Variants in NAV3 observed in about 807,000 individuals in gnomAD.
NAV3 encodes the protein neuron navigator 3.
NAV3 carries 87 observed loss-of-function variants against 244.7 expected under a neutral mutation model. The ratio of observed to expected loss-of-function variants is 0.36; its 90% CI spans 0.30 to 0.42. The LOEUF is 0.42. Among genes scored for constraint, NAV3 ranks in the 20% least tolerant of loss-of-function variants. The probability of loss-of-function intolerance (pLI) is 1.00; values close to 1 mark genes in which losing one functional copy is unlikely to be tolerated. For missense variants in NAV3, 2,663 were observed against 2,893.3 expected (o/e 0.92, Z 1.83); for synonymous variants, 1,126 against 1,042.2 (o/e 1.08, Z -1.55).
chr12:77,634,807 A>C (rs925333985), intron 2 of NAV3, among the ~76,000 whole-genome samples: 1 of 152,186 alleles, frequency 6.6e-6, no homozygotes, highest in Non-Finnish European at 1.5e-5. Flanking sequence ...TGATAAATTT[A>C]ATAAGATGAA....
At chr12:78,185,509 G>T in intron 30 of NAV3, 92 bp from the exon 31 acceptor site, 2 of 1,082,298 alleles carry the variant, frequency 1.8e-6, no homozygotes, top group South Asian at 2.8e-5. Context: ...CCCATTGAAA[G>T]ATATAAAACT....
intron 9 of NAV3, among the ~76,000 whole-genome samples, chr12:78,026,780 G>A (rs576925479): frequency 6.6e-6 from 1 of 152,094 alleles, no homozygotes; most frequent in African/African-American, 2.4e-5. Context: ...TGGATGGTTA[G>A]TATATAGATA....
chr12:77,631,609 T>C (rs925915461), intron 2 of NAV3, among the ~76,000 whole-genome samples: 2 of 152,162 alleles, frequency 1.3e-5, no homozygotes, highest in Admixed American at 1.3e-4. Flanking sequence ...AAGCTGAGAC[T>C]GAAAACACCA....
chr12:78,031,025 T>G (rs1878889316), intron 9 of NAV3, among the ~76,000 whole-genome samples: 1 of 152,208 alleles, frequency 6.6e-6, no homozygotes, highest in Non-Finnish European at 1.5e-5. Flanking sequence ...TGCTCATGGT[T>G]GCTGTAGGGG....
intron 12 of NAV3, among the ~76,000 whole-genome samples, chr12:78,107,959 A>G (rs1407072824): frequency 6.6e-6 from 1 of 152,170 alleles, no homozygotes; most frequent in Non-Finnish European, 1.5e-5. Context: ...GAAGCCTCAC[A>G]TATCAGTAAT....
rs755238696 is a variant in NAV3 at position 78,122,017 on chromosome 12, C to T, written c.3827C>T (p.Pro1276Leu). 6.8e-6 allele frequency: 11 copies of T among 1,614,030 alleles called. No homozygotes were observed. The highest frequency in any genetic ancestry group is 7.6e-6 in the Non-Finnish European group (9 of 1,180,042). The change falls in exon 16 of 40, where the codon CCC becomes CTC. Residue 1276 changes from proline (P) to leucine (L), a missense_variant. By Grantham distance (98) the Pro-to-Leu change is moderately conservative. Around this residue, in one of 6 missense-constraint regions of NAV3, gnomAD observed 354 missense variants for 413.0 expected, o/e 0.86. Transcript: ENST00000397909. ...TEGVKSSSVM[P>L]SPSTTLARQG... ...GGTGTGAAATCTTCCTCAGTAATGCCCAGCCCTAGTACCACATTAGCGCGG... is the reference window on the plus strand; with the variant it reads ...GGTGTGAAATCTTCCTCAGTAATGCTCAGCCCTAGTACCACATTAGCGCGG...
chr12:77,904,652 A>C (rs1162805523), intron 1 of NAV3, among the ~76,000 whole-genome samples: 1 of 152,218 alleles, frequency 6.6e-6, no homozygotes, highest in Non-Finnish European at 1.5e-5. Flanking sequence ...ATTTTTTAAA[A>C]AAAAGAAAAA....
chr12:77,957,894 T>C (rs2137774071), intron 3 of NAV3, among the ~76,000 whole-genome samples: 1 of 152,238 alleles, frequency 6.6e-6, no homozygotes, highest in South Asian at 2.1e-4. Flanking sequence ...TCGAACTCCT[T>C]ACCTCAGGTT....
chr12:77,793,710 A>G (rs1871284341), intron 2 of NAV3, among the ~76,000 whole-genome samples: 1 of 152,126 alleles, frequency 6.6e-6, no homozygotes, highest in South Asian at 2.1e-4. Flanking sequence ...CATTTTCTTT[A>G]TCCAGTCTAT....
intron 2 of NAV3, among the ~76,000 whole-genome samples, chr12:77,640,629 C>T (rs1228718658): frequency 6.6e-6 from 1 of 152,106 alleles, no homozygotes; most frequent in African/African-American, 2.4e-5. Context: ...ATCTAAAATA[C>T]AGCATGAATA....
At chr12:78,026,214 C>T (rs1250717229) in intron 9 of NAV3, among the ~76,000 whole-genome samples, 1 of 152,140 alleles carries the variant, frequency 6.6e-6, no homozygotes, top group Non-Finnish European at 1.5e-5. Flanking sequence ...ACAAATGTCT[C>T]TCTCTGCACT....
At position 78,040,484 on chromosome 12, in the gene NAV3, T is replaced by C. The variant is rs555971493; in HGVS notation, c.2024-9509T>C. ...AAAAGAAATTGAAAAGGAAATGAAG[T>C]AGATGTGAAAATATATTTAGTGAAA... is the stretch of plus-strand genomic sequence containing the variant. On this transcript the variant is annotated intron_variant, in intron 9 of 39. Transcript: ENST00000397909. Among the ~76,000 whole-genome samples, 6 of 152,138 alleles carry C rather than the reference T, an allele frequency of 3.9e-5. No homozygotes were observed. In the South Asian group the frequency reaches 1.0e-3, roughly 26 times the overall value.
chr12:77,739,822 T>C (rs982883761), intron 2 of NAV3, among the ~76,000 whole-genome samples: 4 of 152,172 alleles, frequency 2.6e-5, no homozygotes, highest in Non-Finnish European at 5.9e-5. Flanking sequence ...CAGATCCACA[T>C]GGATAATTGT....
rs960491829 is a variant in NAV3, at chr12:77,692,455, A to G, written c.72+120189A>G. On this transcript the variant is annotated intron_variant, in intron 2 of 8. Coordinates refer to the NAV3 transcript ENST00000550042. ...CAGTTTGTCAATCTGTAAGATGGCA[A>G]TGATGTCACCAATAGGCTGTACTAA... Among the ~76,000 whole-genome samples the G allele has an allele frequency of 2.6e-5, 4 of 152,066 alleles. No homozygotes were observed. In the East Asian group the frequency reaches 5.8e-4, roughly 22 times the overall value.
rs2136553392 is a variant in NAV3 at position 78,006,424 on chromosome 12, T to C, written c.886T>C (p.Ser296Pro). The change falls in exon 8 of 40, where the codon TCC becomes CCC. Residue 296 changes from serine to proline, a missense_variant. Coordinates refer to ENST00000397909, the MANE Select transcript of NAV3 (RefSeq NM_001024383.2). ...NYANGNEKDSSKGPQSSSGVN... is the reference protein window; with the variant it reads ...NYANGNEKDSPKGPQSSSGVN... ...TTCTTCTAAACAATGTCCAGATTCC[T>C]CCAAAGGACCTCAATCGTCTTCAGG... is the stretch of plus-strand genomic sequence containing the variant. 6.2e-7 allele frequency: 1 copy of C among 1,612,556 alleles called. No individual in the cohort carries two copies. The highest frequency in any genetic ancestry group is 8.5e-7 in the Non-Finnish European group (1 of 1,178,880).
chr12:78,036,973 G>C lies in NAV3; in HGVS notation c.2024-13020G>C, dbSNP rs771779352. 7.1e-6 allele frequency: 5 copies of C among 702,850 alleles called. No individual in the cohort carries two copies. In the South Asian group the frequency reaches 7.4e-5, roughly 10 times the overall value. The allele number at this position is 702,850 out of a possible 1,614,324, so 43.5% of individuals were successfully genotyped here. ...ACCAATCTTTCCCTCACCAGTGATG[G>C]GGAGAGGAGACCCACGGTGCGCATT... On this transcript the variant is annotated intron_variant, in intron 9 of 39. Coordinates refer to ENST00000397909, the MANE Select transcript of NAV3 (RefSeq NM_001024383.2).
At chr12:78,034,185 G>A (rs1647207526) in intron 9 of NAV3, among the ~76,000 whole-genome samples, 1 of 152,134 alleles carries the variant, frequency 6.6e-6, no homozygotes, top group African/African-American at 2.4e-5. Context: ...TATCATTGTA[G>A]GATGTTTAGC....
At position 78,080,316 on chromosome 12, in the gene NAV3, C is replaced by T. The variant is rs116586558; in HGVS notation, c.2636+21201C>T. 1.8e-3 allele frequency among the ~76,000 whole-genome samples: 277 copies of T among 152,252 alleles called. 1 individual carries two copies. Among genetic ancestry groups the T allele is most frequent in the African/African-American group, 6.1e-3 (255 of 41,556 alleles). ...AGAAAGACTAGGTCAAGCATTCTCT[C>T]GTTTTCCAAAGATCATTAAAAACCC... On this transcript the variant is annotated intron_variant, in intron 12 of 39. Coordinates refer to ENST00000397909, the MANE Select transcript of NAV3 (RefSeq NM_001024383.2).
chr12:77,604,725 G>A (rs140112531), intron 2 of NAV3, among the ~76,000 whole-genome samples: 1 of 151,980 alleles, frequency 6.6e-6, no homozygotes, highest in Non-Finnish European at 1.5e-5. Context: ...ATAATGCTCA[G>A]TTCATTTCTG....
Sources: gnomAD v4.1 joint callset for allele counts (sites outside exome capture counted in the v4.1 genomes callset) on GRCh38, gnomAD v4.1.1 for gene constraint, gnomAD v4.1.1 regional missense constraint, MANE v1.5 for transcripts, NCBI Gene and HGNC (gene_info 2026-07-23, HGNC 2026-07-21) for gene names.